The following KLF16 variants were observed in gnomAD, a reference collection of about 807,000 sequenced individuals.
KLF16 encodes the protein KLF transcription factor 16, also known as Krueppel-like factor 16.
Under a neutral mutation model 6.1 loss-of-function variants are expected in KLF16, and 6 were observed. The observed-to-expected ratio is 0.98, with a 90% CI of 0.54 to 1.93. The LOEUF (loss-of-function observed/expected upper bound fraction) is 1.93. KLF16 is among the 30% of genes most tolerant of loss of function. The pLI is 0.01. For missense variants in KLF16, 355 were observed against 363.8 expected (o/e 0.98, Z 0.20); for synonymous variants, 211 against 176.5 (o/e 1.20, Z -1.55).
At chr19:1,864,261 C>T (rs2145371866), upstream of KLF16, among the ~76,000 whole-genome samples, 1 of 148,284 alleles carries the variant, frequency 6.7e-6, no homozygotes, top group South Asian at 2.1e-4. Flanking sequence ...CCGGCCCCGC[C>T]CCCAGGCCAC....
the KLF16 span, among the ~76,000 whole-genome samples, chr19:1,871,862 T>G: frequency 0.69 from 105,154 of 151,890 alleles, 36,545 homozygotes; most frequent in Middle Eastern, 0.8. Flanking sequence ...AGGAGCTGCT[T>G]CAGGGACACC....
At chr19:1,875,417 C>T in the KLF16 span, 1 of 152,224 alleles carries the variant, frequency 6.6e-6, no homozygotes, top group Admixed American at 6.5e-5. Context: ...CAGAAACGCA[C>T]GTAGATGTTC....
upstream of KLF16, among the ~76,000 whole-genome samples, chr19:1,866,244 GTTGCAGTGAGT>G (rs2012186630): frequency 6.6e-6 from 1 of 151,846 alleles, no homozygotes; most frequent in Admixed American, 6.6e-5. Flanking sequence ...GGAGGTGGAG[GTTGCAGTGAGT>G]TGAGATCGAA....
chr19:1,867,536 A>C (rs889549323), upstream of KLF16, among the ~76,000 whole-genome samples: 2 of 151,882 alleles, frequency 1.3e-5, no homozygotes, highest in Non-Finnish European at 2.9e-5. Flanking sequence ...GATACACCCC[A>C]GCCTGGGCAA....
intron 1 of KLF16, chr19:1,862,743 C>T (rs2012093313): frequency 8.3e-6 from 3 of 361,294 alleles, no homozygotes; most frequent in Admixed American, 4.7e-5. Context: ...GAACAAGGCC[C>T]AGAAAGGGAG....
At chr19:1,855,175 A>G (rs2011922938) in intron 1 of KLF16, among the ~76,000 whole-genome samples, 1 of 152,220 alleles carries the variant, frequency 6.6e-6, no homozygotes, top group African/African-American at 2.4e-5. Flanking sequence ...CTCGGCCTTC[A>G]GGCTGTCCCT....
chr19:1,866,135 C>G (rs1281051677), upstream of KLF16, among the ~76,000 whole-genome samples: 1 of 151,702 alleles, frequency 6.6e-6, no homozygotes, highest in Non-Finnish European at 1.5e-5. Context: ...GAAATCCCGT[C>G]TCTACTAAAA....
the KLF16 span, among the ~76,000 whole-genome samples, chr19:1,871,657 G>T: frequency 3.3e-5 from 5 of 152,184 alleles, no homozygotes; most frequent in Admixed American, 3.3e-4. Flanking sequence ...CACCACGCAC[G>T]GTGGGGGGCG....
rs1223698813 is a variant in KLF16, at chr19:1,863,534, A to G, written c.-37T>C. 12 of 950,248 alleles carry G rather than the reference A, an allele frequency of 1.3e-5. No homozygotes were observed. Among genetic ancestry groups the G allele is most frequent in the Non-Finnish European group, 1.5e-5 (12 of 800,708 alleles). 58.9% of individuals were successfully genotyped at this position (950,248 alleles called of 1,614,324 possible). A position where few individuals can be genotyped will look rare whatever the true frequency, so the allele number is the denominator to read the frequency against. On this transcript the variant is annotated 5_prime_UTR_variant, in exon 1 of 2. Coordinates refer to ENST00000250916, the MANE Select transcript of KLF16 (RefSeq NM_031918.4). ...GCGCGCGGCGCGGCGGGCGGAGCGG[A>G]GGCGGCGGGAGCGGCGTCCGTCCGG...
At position 1,863,142 on chromosome 19, in the gene KLF16, G is replaced by A; in HGVS notation, c.356C>T (p.Ala119Val). ...SPSSGRAPGA[A>V]PSAAAKSHRC... is the part of the protein sequence containing the mutation. ...GTGGCTCTTGGCGGCGGCGGAGGGC[G>A]CGGCGCCGGGGGCGCGGCCCGAGGA... is the stretch of plus-strand genomic sequence containing the variant. Residue 119 changes from alanine (A) to valine (V), a missense_variant, in exon 1 of 2, where the codon GCG becomes GTG. Ala to Val is a moderately conservative substitution (Grantham distance 64). Transcript: ENST00000250916. 2 of 1,325,052 alleles carry A rather than the reference G, an allele frequency of 1.5e-6. No individual in the cohort carries two copies. The highest frequency in any genetic ancestry group is 9.8e-7 in the Non-Finnish European group (1 of 1,019,784). 82.1% of individuals were successfully genotyped at this position (1,325,052 alleles called of 1,614,324 possible).
intron 1 of KLF16, among the ~76,000 whole-genome samples, chr19:1,855,424 A>AG (rs1384535952): frequency 1.0e-5 from 1 of 100,264 alleles, no homozygotes; most frequent in Non-Finnish European, 2.2e-5. Context: ...CAGGGAGGGG[A>AG]GGGGGCGGGG....
upstream of KLF16, among the ~76,000 whole-genome samples, chr19:1,867,648 C>T (rs970576398): frequency 1.3e-5 from 2 of 152,118 alleles, no homozygotes; most frequent in Non-Finnish European, 2.9e-5. Flanking sequence ...GATGTATCAC[C>T]TGAGGTCAGG....
At chr19:1,869,930 C>CT in the KLF16 span, among the ~76,000 whole-genome samples, 2,396 of 109,716 alleles carry the variant, frequency 0.022, 34 homozygotes, top group Admixed American at 0.041. Context: ...AATACTTTTT[C>CT]TTTTTTTTTT....
chr19:1,866,852 C>T (rs978165083), upstream of KLF16, among the ~76,000 whole-genome samples: 1 of 150,944 alleles, frequency 6.6e-6, no homozygotes, highest in African/African-American at 2.4e-5. Context: ...GGACCGAGAA[C>T]AGCCGGCTCC....
the KLF16 span, among the ~76,000 whole-genome samples, chr19:1,874,021 G>T: frequency 6.6e-6 from 1 of 152,250 alleles, no homozygotes; most frequent in African/African-American, 2.4e-5. Flanking sequence ...GGAGGGAGGG[G>T]CGGCCCCAAA....
chr19:1,863,596 G>GAGA (rs1421297916), upstream of KLF16: 411 of 408,802 alleles, frequency 1.0e-3, no homozygotes, highest in African/African-American at 7.5e-3. Context: ...GGCGGAGGAG[G>GAGA]AGGAGGAGGA....
the KLF16 span, among the ~76,000 whole-genome samples, chr19:1,871,889 T>C: frequency 6.6e-6 from 1 of 152,094 alleles, no homozygotes; most frequent in South Asian, 2.1e-4. Flanking sequence ...TCCTCCATCC[T>C]GCACAGGGTG....
intron 1 of KLF16, among the ~76,000 whole-genome samples, chr19:1,856,950 C>CGGGGGGGGGGGGGGGGGG (rs946961126): frequency 4.6e-5 from 2 of 43,270 alleles, no homozygotes; most frequent in Admixed American, 5.2e-4. Context: ...AGCAGGTTGC[C>CGGGGGGGGGGGGGGGGGG]GGGGTGGGGG....
At chr19:1,854,856 C>A in intron 1 of KLF16, 96 bp from the exon 2 acceptor site, 2 of 1,376,278 alleles carry the variant, frequency 1.5e-6, no homozygotes, top group South Asian at 2.4e-5. Flanking sequence ...GGGCATTTGT[C>A]CCGTGCCGTT....
Sources: gnomAD v4.1 joint callset for allele counts (sites outside exome capture counted in the v4.1 genomes callset) on GRCh38, gnomAD v4.1.1 for gene constraint, MANE v1.5 for transcripts, NCBI Gene and HGNC (gene_info 2026-07-23, HGNC 2026-07-21) for gene names.